Variants in THSD4 observed in about 807,000 individuals in gnomAD.
The protein encoded by THSD4 is thrombospondin type 1 domain containing 4, also known as thrombospondin type-1 domain-containing protein 4.
THSD4 carries 69 observed loss-of-function variants against 119.0 expected under a neutral mutation model. That is an observed-to-expected ratio of 0.58 (90% CI 0.48 to 0.71). The LOEUF (loss-of-function observed/expected upper bound fraction) is 0.71, where lower values mean the gene tolerates loss of function less well. Among genes scored for constraint, THSD4 ranks in the 30% least tolerant of loss-of-function variants. The probability of loss-of-function intolerance (pLI) is 0.00; values close to 1 mark genes in which losing one functional copy is unlikely to be tolerated. For synonymous variants in THSD4, 524 were observed against 540.4 expected (o/e 0.97, Z 0.42); for missense variants, 1,393 against 1,391.1 (o/e 1.00, Z -0.02).
rs181382205 is a variant in THSD4, at chr15:71,756,417, C to T, written c.2416-1485C>T. 1.8e-4 allele frequency among the ~76,000 whole-genome samples: 27 copies of T among 152,200 alleles called. 1 individual carries two copies. Among genetic ancestry groups the T allele is most frequent in the East Asian group, 3.9e-4 (2 of 5,182 alleles). ...AGAAAAATAAAAGGAGGAATGGTAA[C>T]GGTGGTGAAGGTGTACATGCTGGAT... On this transcript the variant is annotated intron_variant, in intron 14 of 17. Transcript: ENST00000261862.
At chr15:71,705,672 G>A (rs114224653) in intron 8 of THSD4, among the ~76,000 whole-genome samples, 1,631 of 152,238 alleles carry the variant, frequency 0.011, 30 homozygotes, top group African/African-American at 0.036. Flanking sequence ...GAAATGAGAA[G>A]CTCCTGCAGC....
At chr15:71,110,856 T>C (rs2040298773), upstream of THSD4, 9 of 408,644 alleles carry the variant, frequency 2.2e-5, no homozygotes, top group South Asian at 3.0e-4. Flanking sequence ...AAATGAAGGA[T>C]AGACGGGAAA....
At chr15:71,478,373 G>A (rs552774808) in intron 7 of THSD4, among the ~76,000 whole-genome samples, 3 of 152,006 alleles carry the variant, frequency 2.0e-5, no homozygotes, top group Non-Finnish European at 4.4e-5. Context: ...CTTTAAAGTA[G>A]GACATAACTT....
chr15:71,371,379 G>A (rs538885489), intron 6 of THSD4, among the ~76,000 whole-genome samples: 3 of 152,298 alleles, frequency 2.0e-5, no homozygotes, highest in East Asian at 1.9e-4. Context: ...AGCATCGATG[G>A]TCTTTACATT....
chr15:71,190,796 T>C (rs1050844435), intron 3 of THSD4, among the ~76,000 whole-genome samples: 1 of 152,084 alleles, frequency 6.6e-6, no homozygotes, highest in African/African-American at 2.4e-5. Flanking sequence ...GTCACTCCCC[T>C]CGCTTTCTTA....
intron 7 of THSD4, among the ~76,000 whole-genome samples, chr15:71,615,211 G>C (rs1425831518): frequency 6.6e-6 from 1 of 152,106 alleles, no homozygotes; most frequent in Non-Finnish European, 1.5e-5. Flanking sequence ...CATGTAAATG[G>C]AAAAATGGAA....
intron 7 of THSD4, among the ~76,000 whole-genome samples, chr15:71,650,126 G>A (rs955452815): frequency 6.6e-6 from 1 of 152,182 alleles, no homozygotes; most frequent in African/African-American, 2.4e-5. Flanking sequence ...AATCTAGCAT[G>A]TGAGCCTAAT....
At chr15:71,753,292 G>C (rs17811015) in intron 14 of THSD4, among the ~76,000 whole-genome samples, 35,631 of 152,110 alleles carry the variant, frequency 0.23, 4,448 homozygotes, top group Non-Finnish European at 0.25. Context: ...ATCAATGATA[G>C]GTTTAAGCCC....
chr15:71,327,284 T>C (rs530162448), intron 6 of THSD4, among the ~76,000 whole-genome samples: 25 of 152,264 alleles, frequency 1.6e-4, no homozygotes, highest in Non-Finnish European at 2.9e-4. Context: ...CCCATAGTTA[T>C]GGAGGGGCTC....
intron 17 of THSD4, among the ~76,000 whole-genome samples, chr15:71,775,303 T>C (rs2053893859): frequency 6.6e-6 from 1 of 152,216 alleles, no homozygotes; most frequent in African/African-American, 2.4e-5. Context: ...ATGAGTAATA[T>C]TTTAAAAAGC....
rs190168572 is a variant in THSD4, at chr15:71,556,688, C to G, written c.1153-103842C>G. On this transcript the variant is annotated intron_variant, in intron 7 of 17. Transcript: ENST00000261862. Reference sequence around the variant, plus strand: ...CTAGGGTGGGAGGATTACCTAAACACAGGGAGGCTGACGCTGCAGTGAGCC... The same window carrying G: ...CTAGGGTGGGAGGATTACCTAAACAGAGGGAGGCTGACGCTGCAGTGAGCC... Among the ~76,000 whole-genome samples the G allele has an allele frequency of 1.9e-4, 28 of 151,246 alleles. 1 individual carries two copies. Among genetic ancestry groups the G allele is most frequent in the Admixed American group, 1.5e-3 (22 of 15,150 alleles).
intron 3 of THSD4, among the ~76,000 whole-genome samples, chr15:71,193,950 A>G (rs905040099): frequency 1.3e-5 from 2 of 152,066 alleles, no homozygotes; most frequent in African/African-American, 2.4e-5. Context: ...TGACCCCATG[A>G]TCTGCCCGCC....
chr15:71,167,097 C>T (rs2043301196), intron 3 of THSD4: 1 of 152,046 alleles, frequency 6.6e-6, no homozygotes, highest in African/African-American at 2.4e-5. Flanking sequence ...GATGTTTTAT[C>T]AGAGCTTTGT....
chr15:71,495,232 A>T (rs1308615693), intron 7 of THSD4, among the ~76,000 whole-genome samples: 2 of 152,108 alleles, frequency 1.3e-5, no homozygotes, highest in African/African-American at 4.8e-5. Flanking sequence ...TACTTTTGAG[A>T]ATGTTGAAAT....
intron 7 of THSD4, among the ~76,000 whole-genome samples, chr15:71,575,585 C>T (rs1038966413): frequency 6.6e-6 from 1 of 152,148 alleles, no homozygotes; most frequent in African/African-American, 2.4e-5. Flanking sequence ...TGAAGTCCTA[C>T]ATTGAGCCAA....
intron 7 of THSD4, among the ~76,000 whole-genome samples, chr15:71,459,873 T>G (rs2140610251): frequency 6.6e-6 from 1 of 152,310 alleles, no homozygotes; most frequent in African/African-American, 2.4e-5. Context: ...ATACATTTAA[T>G]TTTTTGGATT....
intron 1 of THSD4, among the ~76,000 whole-genome samples, chr15:71,116,070 G>C (rs1480127733): frequency 1.3e-5 from 2 of 152,180 alleles, no homozygotes; most frequent in Non-Finnish European, 2.9e-5. Flanking sequence ...GGAGGGGACC[G>C]GCGAGTGCAC....
intron 6 of THSD4, among the ~76,000 whole-genome samples, chr15:71,260,777 G>A (rs149327777): frequency 1.3e-5 from 2 of 152,218 alleles, no homozygotes; most frequent in African/African-American, 4.8e-5. Context: ...GGTCTTGAGG[G>A]CTGAATTGCA....
chr15:71,522,601 A>T (rs8041762), intron 7 of THSD4, among the ~76,000 whole-genome samples: 1 of 152,096 alleles, frequency 6.6e-6, no homozygotes, highest in Non-Finnish European at 1.5e-5. Context: ...TCTGGATGTC[A>T]TGGTTGTCAC....
Sources: gnomAD v4.1 joint callset for allele counts (sites outside exome capture counted in the v4.1 genomes callset) on GRCh38, gnomAD v4.1.1 for gene constraint, MANE v1.5 for transcripts, NCBI Gene and HGNC (gene_info 2026-07-23, HGNC 2026-07-21) for gene names.